The following NRXN2 variants were observed in gnomAD, a reference collection of about 807,000 sequenced individuals.
NRXN2 encodes neurexin 2, also known as neurexin-2-beta.
In NRXN2, 29 loss-of-function variants were observed where a neutral mutation model predicts 128.8. The ratio of observed to expected loss-of-function variants is 0.23; its 90% CI spans 0.17 to 0.31. The LOEUF (loss-of-function observed/expected upper bound fraction) is 0.31, where lower values mean the gene tolerates loss of function less well. Ranked by LOEUF, NRXN2 falls within the 10% of genes least tolerant of loss-of-function variation. The pLI is 1.00. For synonymous variants in NRXN2, 1,098 were observed against 1,075.2 expected (o/e 1.02, Z -0.41); for missense variants, 1,881 against 2,452.6 (o/e 0.77, Z 4.92).
At chr11:64,659,216 C>T (rs1425467857) in intron 11 of NRXN2, among the ~76,000 whole-genome samples, 1 of 152,196 alleles carries the variant, frequency 6.6e-6, no homozygotes, top group African/African-American at 2.4e-5. Context: ...GATTTGACCT[C>T]AGCCTGAACA....
At chr11:64,711,636 A>T (rs1278915872) in intron 2 of NRXN2, among the ~76,000 whole-genome samples, 3 of 151,944 alleles carry the variant, frequency 2.0e-5, no homozygotes, top group African/African-American at 7.3e-5. Context: ...CCTCTCTCCC[A>T]AGCGCCATTC....
chr11:64,615,701 C>T (rs1421527083), intron 22 of NRXN2, among the ~76,000 whole-genome samples: 3 of 152,324 alleles, frequency 2.0e-5, no homozygotes, highest in Middle Eastern at 3.4e-3. Context: ...ATGCCTTGTA[C>T]TGTGTCTGAA....
intron 2 of NRXN2, among the ~76,000 whole-genome samples, chr11:64,699,555 G>A (rs528576241): frequency 7.7e-5 from 11 of 143,598 alleles, no homozygotes; most frequent in South Asian, 2.3e-4. Context: ...CTCAGCCTCC[G>A]GCATGCGCTA....
chr11:64,690,716 C>T (rs761942319), intron 4 of NRXN2, among the ~76,000 whole-genome samples: 10 of 152,110 alleles, frequency 6.6e-5, no homozygotes, highest in Admixed American at 1.3e-4. Context: ...CCACTCTTTG[C>T]CTGGGGTGGG....
intron 1 of NRXN2, among the ~76,000 whole-genome samples, chr11:64,720,130 G>A (rs1196336541): frequency 1.3e-5 from 2 of 152,224 alleles, no homozygotes; most frequent in Non-Finnish European, 2.9e-5. Flanking sequence ...TCACTGAGGA[G>A]CACAGCGGAG....
At position 64,685,741 on chromosome 11, in the gene NRXN2, C is replaced by T. The variant is rs2052947474; in HGVS notation, c.1057G>A (p.Gly353Ser). 6.2e-7 allele frequency: 1 copy of T among 1,614,210 alleles called. No homozygotes were observed. The highest frequency in any genetic ancestry group is 8.5e-7 in the Non-Finnish European group (1 of 1,180,040). Reference protein sequence around the residue: ...SGAVWLVINLGSGAFEALVEP... With the variant: ...SGAVWLVINLSSGAFEALVEP... The stretch of plus-strand genomic sequence containing the variant: ...ACAAGGGCCTCGAAGGCACCTGAGC[C>T]TAGGTTGATGACCAGCCAGACAGCC... Residue 353 changes from glycine (G) to serine (S), a missense_variant, in exon 6 of 23, where the codon GGC (glycine) becomes AGC (serine). Gly to Ser is a moderately conservative substitution (Grantham distance 56, BLOSUM62 0). Coordinates refer to ENST00000265459, the MANE Select transcript of NRXN2 (RefSeq NM_015080.4).
intron 17 of NRXN2, among the ~76,000 whole-genome samples, chr11:64,641,691 G>A (rs2135413845): frequency 6.6e-6 from 1 of 152,170 alleles, no homozygotes; most frequent in Non-Finnish European, 1.5e-5. Context: ...GAGAAGGAAG[G>A]TTAAGTTTTT....
intron 22 of NRXN2, among the ~76,000 whole-genome samples, chr11:64,617,333 G>A (rs1185792029): frequency 1.3e-5 from 2 of 152,124 alleles, no homozygotes; most frequent in Non-Finnish European, 1.5e-5. Flanking sequence ...CTTCCTGCAC[G>A]TCTCGGGTTG....
At position 64,651,148 on chromosome 11, in the gene NRXN2, G is replaced by C. The variant is rs2047408389; in HGVS notation, c.2918+107C>G. The C allele has an allele frequency of 3.4e-6, 5 of 1,481,698 alleles. No individual in the cohort carries two copies. Among genetic ancestry groups the C allele is most frequent in the Non-Finnish European group, 4.7e-6 (5 of 1,071,960 alleles). The allele number at this position is 1,481,698 out of a possible 1,614,324, so 91.8% of individuals were successfully genotyped here. Reference sequence around the variant, plus strand: ...GTCGGGGACCTGAATCTTGACTTGTGATCTGGGGGGATTGGACACCTCGGC... The same window carrying C: ...GTCGGGGACCTGAATCTTGACTTGTCATCTGGGGGGATTGGACACCTCGGC... On this transcript the variant is annotated intron_variant, in intron 14 of 22. Transcript: ENST00000265459. The surrounding 1 kb of genome is among the most constrained non-coding windows in gnomAD (Gnocchi z 5.9).
chr11:64,655,501 G>A (rs538100256), intron 11 of NRXN2, among the ~76,000 whole-genome samples: 104 of 152,148 alleles, frequency 6.8e-4, no homozygotes, highest in African/African-American at 2.3e-3. Context: ...GTCAGGTCAC[G>A]GGGGCTCTCT....
intron 7 of NRXN2, among the ~76,000 whole-genome samples, chr11:64,668,847 G>T (rs1469261813): frequency 6.6e-6 from 1 of 152,182 alleles, no homozygotes; most frequent in Non-Finnish European, 1.5e-5. Context: ...AACTCAGCAG[G>T]CAGGAGCCTG....
chr11:64,700,218 C>T (rs559095), intron 2 of NRXN2, among the ~76,000 whole-genome samples: 9,456 of 152,168 alleles, frequency 0.062, 994 homozygotes, highest in African/African-American at 0.22. Context: ...ATGGGTAGTC[C>T]CGGCCTCCTC....
rs557428196 is a variant in NRXN2, at chr11:64,631,594, G to A, written c.3586-1021C>T. Among the ~76,000 whole-genome samples the A allele has an allele frequency of 6.6e-6, 1 of 152,274 alleles. No homozygotes were observed. Among genetic ancestry groups the A allele is most frequent in the Non-Finnish European group, 1.5e-5 (1 of 68,010 alleles). ...TCCCCATTTCATCAAGAAAGAGACT[G>A]AGGCTCAGCATAGTTAAATAACATC... On this transcript the variant is annotated intron_variant, in intron 18 of 22. Transcript: ENST00000265459. The surrounding 1 kb of genome is among the most constrained non-coding windows in gnomAD (Gnocchi z 4.8).
At position 64,713,445 on chromosome 11, in the gene NRXN2, GC is replaced by G; in HGVS notation, c.254del (p.Gly85AlafsTer33). On this transcript the variant is annotated frameshift_variant, in exon 2 of 23. Transcript: ENST00000265459. LOFTEE classifies it high-confidence loss of function. ...CDFLELLLVD[G>X]RLRLRFTLSC... The stretch of plus-strand genomic sequence containing the variant: ...AAAGCGTGAAGCGCAGCCGCAGGCG[GC>G]CGTCCACCAGCAGCAGCTCCAGGAA... The G allele has an allele frequency of 6.6e-7, 1 of 1,519,012 alleles. No homozygotes were observed. The highest frequency in any genetic ancestry group is 1.2e-5 in the South Asian group (1 of 82,100). The allele number at this position is 1,519,012 out of a possible 1,614,324, so 94.1% of individuals were successfully genotyped here. A position where few individuals can be genotyped will look rare whatever the true frequency, so the allele number is the denominator to read the frequency against.
Position 64,648,168 on chromosome 11 carries a change from G to A in NRXN2, c.3403+51C>T, listed in dbSNP as rs763032484. ...TCCTCCCTGGCAGCCCCTATGGCTG[G>A]GAATGGACCCTGGTCTCCCCAAACT... On this transcript the variant is annotated intron_variant, in intron 17 of 22. Coordinates refer to ENST00000265459, the MANE Select transcript of NRXN2 (RefSeq NM_015080.4). The surrounding 1 kb of genome is among the most constrained non-coding windows in gnomAD (Gnocchi z 4.1). The A allele has an allele frequency of 1.2e-6, 2 of 1,613,432 alleles. No individual in the cohort carries two copies. The highest frequency in any genetic ancestry group is 1.1e-5 in the South Asian group (1 of 91,074).
intron 17 of NRXN2, chr11:64,642,753 G>C: frequency 8.0e-7 from 1 of 1,247,280 alleles, no homozygotes; most frequent in Non-Finnish European, 1.0e-6. Flanking sequence ...GCCCAGCCAG[G>C]GCCGGGGGGC....
intron 11 of NRXN2, among the ~76,000 whole-genome samples, chr11:64,655,319 G>A (rs1423924925): frequency 6.6e-6 from 1 of 152,230 alleles, no homozygotes; most frequent in African/African-American, 2.4e-5. Context: ...GGCAGACACA[G>A]AGGGAAGTGA....
In NRXN2 at chr11:64,656,383, A is replaced by ATGGGAATTT. The variant is rs1174151665; in HGVS notation, c.2390-2662_2390-2661insAAATTCCCA. ...CGTTTGATTCCAAGGGGCAGAACTAACGGGAATTTCACAATAAGTGGGAAT... is the reference window on the plus strand; with the variant it reads ...CGTTTGATTCCAAGGGGCAGAACTAATGGGAATTTCGGGAATTTCACAATAAGTGGGAAT... On this transcript the variant is annotated intron_variant, in intron 11 of 22. Coordinates refer to ENST00000265459, the MANE Select transcript of NRXN2 (RefSeq NM_015080.4). Among the ~76,000 whole-genome samples the ATGGGAATTT allele has an allele frequency of 4.3e-3, 370 of 85,860 alleles. 2 individuals are homozygous for ATGGGAATTT. Among genetic ancestry groups the ATGGGAATTT allele is most frequent in the African/African-American group, 0.027 (359 of 13,156 alleles). The allele number at this position is 85,860 out of a possible 152,430, so 56.3% of individuals were successfully genotyped here. A position where few individuals can be genotyped will look rare whatever the true frequency, so the allele number is the denominator to read the frequency against.
chr11:64,682,677 GA>G, intron 6 of NRXN2, among the ~76,000 whole-genome samples: 1 of 152,244 alleles, frequency 6.6e-6, no homozygotes, highest in East Asian at 1.9e-4. Flanking sequence ...GGCTAATGAG[GA>G]AATGGGTTTG....
Sources: allele counts gnomAD v4.1 joint callset (sites outside exome capture counted in the v4.1 genomes callset), GRCh38; gene constraint gnomAD v4.1.1; non-coding constraint Gnocchi (gnomAD v3.1); transcripts MANE v1.5; gene names NCBI Gene and HGNC (gene_info 2026-07-23, HGNC 2026-07-21).